The following CMTR1 variants were observed in gnomAD, a reference collection of about 807,000 sequenced individuals.
CMTR1 encodes the protein cap methyltransferase 1.
CMTR1 carries 39 observed loss-of-function variants against 107.0 expected under a neutral mutation model. The ratio of observed to expected loss-of-function variants is 0.36; its 90% CI spans 0.28 to 0.48. The LOEUF (loss-of-function observed/expected upper bound fraction) is 0.48. CMTR1 is among the 20% of genes least tolerant of loss of function. The probability of loss-of-function intolerance (pLI) is 0.99; values close to 1 mark genes in which losing one functional copy is unlikely to be tolerated. For synonymous variants in CMTR1, 366 were observed against 379.5 expected (o/e 0.96, Z 0.41); for missense variants, 672 against 1,064.9 (o/e 0.63, Z 5.14).
intron 1 of CMTR1, among the ~76,000 whole-genome samples, chr6:37,435,046 A>G (rs1771496689): frequency 6.6e-6 from 1 of 152,146 alleles, no homozygotes; most frequent in Non-Finnish European, 1.5e-5. Context: ...AAGTCATTTC[A>G]CTGCTTCCAT....
At chr6:37,435,538 A>C (rs1771508166) in intron 1 of CMTR1, 86 bp from the exon 2 acceptor site, 1 of 1,444,510 alleles carries the variant, frequency 6.9e-7, no homozygotes, top group African/African-American at 1.5e-5. Flanking sequence ...ATCTCATCCC[A>C]TTGATGATTT....
chr6:37,446,184 T>C lies in CMTR1; in HGVS notation c.286-107T>C, dbSNP rs938220731. Reference sequence around the variant, plus strand: ...TTAGGCTAAGACAAACTTTAGACTTTAATCATCTATTTTTCTTAGGATTTA... The same window carrying C: ...TTAGGCTAAGACAAACTTTAGACTTCAATCATCTATTTTTCTTAGGATTTA... On this transcript the variant is annotated intron_variant, in intron 3 of 23. Coordinates refer to ENST00000373451, the MANE Select transcript of CMTR1 (RefSeq NM_015050.3). The C allele has an allele frequency of 5.4e-5, 65 of 1,214,598 alleles. No homozygotes were observed. The South Asian group carries it at 9.1e-4, about 17-fold the overall frequency. 75.2% of individuals were successfully genotyped at this position (1,214,598 alleles called of 1,614,324 possible).
At chr6:37,450,820 T>A (rs908546524) in intron 5 of CMTR1, among the ~76,000 whole-genome samples, 2 of 152,344 alleles carry the variant, frequency 1.3e-5, no homozygotes, top group African/African-American at 4.8e-5. Context: ...CGGGGATCTC[T>A]AAGACCCCTT....
chr6:37,424,374 G>C, the CMTR1 span, among the ~76,000 whole-genome samples: 3 of 151,478 alleles, frequency 2.0e-5, no homozygotes, highest in African/African-American at 4.8e-5. Context: ...TCCCGAGTAG[G>C]TGGGACTACA....
At chr6:37,475,952 G>C (rs943365155) in intron 19 of CMTR1, 174 bp from the exon 20 acceptor site, 6 of 622,106 alleles carry the variant, frequency 9.6e-6, no homozygotes, top group African/African-American at 5.5e-5. Flanking sequence ...GAATAAAGAC[G>C]TCGGTGGAGA....
intron 3 of CMTR1, among the ~76,000 whole-genome samples, chr6:37,445,847 C>A (rs938146558): frequency 8.5e-5 from 13 of 152,138 alleles, no homozygotes; most frequent in African/African-American, 3.1e-4. Context: ...GGGCTCCTGC[C>A]AAGCCACTTA....
At position 37,443,962 on chromosome 6, in the gene CMTR1, A is replaced by C. The variant is rs770189154; in HGVS notation, c.134-37A>C. The C allele has an allele frequency of 5.0e-6, 8 of 1,608,626 alleles. No homozygotes were observed. The Admixed American group carries it at 6.7e-5, about 14-fold the overall frequency. Reference sequence around the variant, plus strand: ...GGATGTCTGGAGGCTATTTTGTGCCATAAACCTACCTAAACATTTTCCTTT... The same window carrying C: ...GGATGTCTGGAGGCTATTTTGTGCCCTAAACCTACCTAAACATTTTCCTTT... On this transcript the variant is annotated intron_variant, in intron 2 of 23. Transcript: ENST00000373451.
At chr6:37,460,502 C>T (rs939697187) in intron 10 of CMTR1, among the ~76,000 whole-genome samples, 1 of 150,516 alleles carries the variant, frequency 6.6e-6, no homozygotes, top group African/African-American at 2.4e-5. Flanking sequence ...TGCTTCAGCA[C>T]TTCAGCAGTG....
At position 37,436,578 on chromosome 6, in the gene CMTR1, T is replaced by C. The variant is rs139737565; in HGVS notation, c.133+816T>C. Among the ~76,000 whole-genome samples the C allele has an allele frequency of 2.8e-3, 431 of 152,342 alleles. 4 individuals are homozygous for C. The highest frequency in any genetic ancestry group is 1.0e-2 in the African/African-American group (414 of 41,582). ...TTGGGAAGACCTTCCTTACCACTTC[T>C]AGCTTCTGCTGGCTGCTAGCATTCC... On this transcript the variant is annotated intron_variant, in intron 2 of 23. Coordinates refer to ENST00000373451, the MANE Select transcript of CMTR1 (RefSeq NM_015050.3).
chr6:37,481,099 C>A lies in CMTR1; in HGVS notation c.*954C>A. ...GTGCAGCTCCCTTACTACCCTTTCC[C>A]TTCCTTTTTCTTCCCTAATAGGAGG... is the stretch of plus-strand genomic sequence containing the variant. On this transcript the variant is annotated 3_prime_UTR_variant, in exon 24 of 24. Coordinates refer to ENST00000373451, the MANE Select transcript of CMTR1 (RefSeq NM_015050.3). The A allele has an allele frequency of 7.7e-7, 1 of 1,304,244 alleles. No individual in the cohort carries two copies. 80.8% of individuals were successfully genotyped at this position (1,304,244 alleles called of 1,614,324 possible). A position where few individuals can be genotyped will look rare whatever the true frequency, so the allele number is the denominator to read the frequency against.
intron 10 of CMTR1, among the ~76,000 whole-genome samples, 155 bp downstream of exon 10, chr6:37,459,839 T>G (rs1761365433): frequency 6.6e-6 from 1 of 152,268 alleles, no homozygotes; most frequent in African/African-American, 2.4e-5. Context: ...TTTATACATT[T>G]TTTAAATGAT....
chr6:37,459,017 G>C (rs1436789531), intron 9 of CMTR1, among the ~76,000 whole-genome samples: 2 of 152,204 alleles, frequency 1.3e-5, no homozygotes, highest in Non-Finnish European at 2.9e-5. Flanking sequence ...CACTCCCTCA[G>C]CAGATTCTCA....
chr6:37,424,220 A>G, the CMTR1 span, among the ~76,000 whole-genome samples: 34 of 150,158 alleles, frequency 2.3e-4, no homozygotes, highest in Non-Finnish European at 4.3e-4. Flanking sequence ...CCGTACCCTC[A>G]CTATCTGCCT....
Position 37,458,536 on chromosome 6 carries a change from C to T in CMTR1, c.778-76C>T. ...CTTGCCGAAAGGCTTATTTTACTCT[C>T]CCTGCATTCTCCTTCCTGTTGCCCA... On this transcript the variant is annotated intron_variant, in intron 8 of 23. Coordinates refer to ENST00000373451, the MANE Select transcript of CMTR1 (RefSeq NM_015050.3). The surrounding 1 kb of genome is among the most constrained non-coding windows in gnomAD (Gnocchi z 4.7). 1 of 1,422,206 alleles carries T rather than the reference C, an allele frequency of 7.0e-7. No individual in the cohort carries two copies. The highest frequency in any genetic ancestry group is 1.2e-5 in the South Asian group (1 of 80,200). The allele number at this position is 1,422,206 out of a possible 1,614,324, so 88.1% of individuals were successfully genotyped here. A position where few individuals can be genotyped will look rare whatever the true frequency, so the allele number is the denominator to read the frequency against.
intron 21 of CMTR1, 122 bp from the exon 22 acceptor site, chr6:37,478,285 TCA>T (rs3830396): frequency 0.45 from 348,585 of 777,360 alleles, 84,578 homozygotes; most frequent in Middle Eastern, 0.57. Flanking sequence ...GCTGTGTGCC[TCA>T]GTTTCATCTT....
chr6:37,471,877 A>G lies in CMTR1; in HGVS notation c.1593A>G (p.Ile531Met). Residue 531 changes from isoleucine (I) to methionine (M), a missense_variant, in exon 15 of 24, where the codon ATA becomes ATG. Physicochemically the swap from Ile to Met is conservative, Grantham distance 10 (BLOSUM62 1). Coordinates refer to ENST00000373451, the MANE Select transcript of CMTR1 (RefSeq NM_015050.3). ...TTLSEPRQAE[I>M]RKECLRLWGI... ...TGAGTGAGCCTCGACAGGCAGAGAT[A>G]CGGAAGGAGTGCCTCCGACTCTGGG... The G allele has an allele frequency of 1.2e-6, 2 of 1,613,762 alleles. No homozygotes were observed. Among genetic ancestry groups the G allele is most frequent in the Non-Finnish European group, 1.7e-6 (2 of 1,179,908 alleles).
Position 37,473,460 on chromosome 6 carries a change from G to A in CMTR1, c.1690-10G>A, listed in dbSNP as rs776321958. 26 of 1,611,274 alleles carry A rather than the reference G, an allele frequency of 1.6e-5. No individual in the cohort carries two copies. In the Admixed American group the frequency reaches 2.5e-4, roughly 16 times the overall value. ...AACCCGGCAGTGTTTTCTCTGACTC[G>A]TGGCTGCAGGGCACTGAGATTGACA... On this transcript the variant is annotated splice_polypyrimidine_tract_variant and intron_variant, in intron 16 of 23. Coordinates refer to ENST00000373451, the MANE Select transcript of CMTR1 (RefSeq NM_015050.3).
chr6:37,481,021 C>T lies in CMTR1; in HGVS notation c.*876C>T, dbSNP rs1335636534. On this transcript the variant is annotated 3_prime_UTR_variant, in exon 24 of 24. Coordinates refer to ENST00000373451, the MANE Select transcript of CMTR1 (RefSeq NM_015050.3). ...GTAGCGCTGCCCTCTGGCAGTCATG[C>T]ACCGCTGTCTGCCATAGCCGCTCTA... is the stretch of plus-strand genomic sequence containing the variant. 2 of 1,303,708 alleles carry T rather than the reference C, an allele frequency of 1.5e-6. No individual in the cohort carries two copies. Among genetic ancestry groups the T allele is most frequent in the Non-Finnish European group, 2.0e-6 (2 of 988,752 alleles). The allele number at this position is 1,303,708 out of a possible 1,614,324, so 80.8% of individuals were successfully genotyped here.
At chr6:37,451,665 C>T (rs978411411) in intron 5 of CMTR1, 141 bp from the exon 6 acceptor site, 3 of 621,406 alleles carry the variant, frequency 4.8e-6, no homozygotes, top group Non-Finnish European at 8.5e-6. Context: ...TTTTCTCTTT[C>T]CCACCCTTCA....
Sources: allele counts gnomAD v4.1 joint callset (sites outside exome capture counted in the v4.1 genomes callset), GRCh38; gene constraint gnomAD v4.1.1; non-coding constraint Gnocchi (gnomAD v3.1); transcripts MANE v1.5; gene names NCBI Gene and HGNC (gene_info 2026-07-23, HGNC 2026-07-21).